Variants in PKD2L2 observed in about 807,000 individuals in gnomAD.
The protein encoded by PKD2L2 is polycystin 2 like 2, transient receptor potential cation channel, also known as polycystin-2-like protein 2.
In PKD2L2, 67 loss-of-function variants were observed where a neutral mutation model predicts 83.9. The ratio of observed to expected loss-of-function variants is 0.80; its 90% CI spans 0.66 to 0.98. The LOEUF (loss-of-function observed/expected upper bound fraction) is 0.98. Among genes scored for constraint, PKD2L2 ranks in the 50% least tolerant of loss-of-function variants. PKD2L2 has a pLI of 0.00. For missense variants in PKD2L2, 632 were observed against 717.2 expected, an observed-to-expected ratio of 0.88 and a Z score of 1.36; for synonymous variants, 223 against 237.8, an observed-to-expected ratio of 0.94 and a Z score of 0.57.
chr5:137,890,677 T>C, intron 2 of PKD2L2, 95 bp downstream of exon 2: 2 of 560,050 alleles, frequency 3.6e-6, no homozygotes, highest in South Asian at 5.9e-5. Flanking sequence ...AACCACAGGC[T>C]GTCAGGCTAC....
intron 8 of PKD2L2, among the ~76,000 whole-genome samples, chr5:137,919,630 TC>T (rs1473428440): frequency 6.6e-6 from 1 of 152,178 alleles, no homozygotes; most frequent in Non-Finnish European, 1.5e-5. Context: ...TTCCACCAAT[TC>T]CTTCCAATTC....
At chr5:137,916,917 G>A (rs1758410613) in intron 8 of PKD2L2, among the ~76,000 whole-genome samples, 2 of 152,166 alleles carry the variant, frequency 1.3e-5, no homozygotes, top group South Asian at 4.1e-4. Flanking sequence ...TCTGTCTTTG[G>A]CTTTTGAGTT....
At chr5:137,927,632 T>C (rs1161112506) in intron 12 of PKD2L2, among the ~76,000 whole-genome samples, 1 of 152,256 alleles carries the variant, frequency 6.6e-6, no homozygotes, top group Non-Finnish European at 1.5e-5. Context: ...TGTCCTTGTA[T>C]GCAGGAAATA....
intron 4 of PKD2L2, among the ~76,000 whole-genome samples, chr5:137,898,739 T>C (rs1370637960): frequency 6.6e-6 from 1 of 151,838 alleles, no homozygotes; most frequent in Non-Finnish European, 1.5e-5. Context: ...TTTTTTTTTT[T>C]CTGAGACAGG....
At chr5:137,921,564 A>G in intron 8 of PKD2L2, 72 bp from the exon 9 acceptor site, 3 of 919,824 alleles carry the variant, frequency 3.3e-6, no homozygotes, top group South Asian at 3.0e-5. Context: ...TCTTAGAGAC[A>G]TTAGTAACTC....
At chr5:137,902,481 A>AC (rs1757043565) in intron 5 of PKD2L2, among the ~76,000 whole-genome samples, 2 of 151,614 alleles carry the variant, frequency 1.3e-5, no homozygotes, top group African/African-American at 4.8e-5. Flanking sequence ...TAGGATAAAG[A>AC]CCATTATGAA....
In PKD2L2 at chr5:137,933,621, C is replaced by G. The variant is rs537841112; in HGVS notation, c.1672-2176C>G. 3.9e-5 allele frequency among the ~76,000 whole-genome samples: 6 copies of G among 152,304 alleles called. No homozygotes were observed. In the East Asian group the frequency reaches 1.2e-3, roughly 29 times the overall value. On this transcript the variant is annotated intron_variant, in intron 12 of 14. Transcript: ENST00000508883. Reference sequence around the variant, plus strand: ...CCGTATCATTCCCTTTGCCTACAGCCAAGAGCTCAGCCAGCTGCATTAGGA... The same window carrying G: ...CCGTATCATTCCCTTTGCCTACAGCGAAGAGCTCAGCCAGCTGCATTAGGA...
rs58118724 is a variant in PKD2L2 at position 137,914,031 on chromosome 5, CTTTTTTTTTTTTTTTTTTT to C, written c.1328+5106_1328+5124del. On this transcript the variant is annotated intron_variant, in intron 8 of 14. Transcript: ENST00000508883. ...TACAGTCATGCACCACCACACTTGG[CTTTTTTTTTTTTTTTTTTT>C]TTTTTTTTTTTTTTTTTTTTGATAG... is the stretch of plus-strand genomic sequence containing the variant. Among the ~76,000 whole-genome samples, 74 of 42,342 alleles carry C rather than the reference CTTTTTTTTTTTTTTTTTTT, an allele frequency of 1.7e-3. 1 individual carries two copies. The highest frequency in any genetic ancestry group is 6.2e-3 in the African/African-American group (65 of 10,452). 27.8% of individuals were successfully genotyped at this position (42,342 alleles called of 152,430 possible). A position where few individuals can be genotyped will look rare whatever the true frequency, so the allele number is the denominator to read the frequency against.
intron 12 of PKD2L2, among the ~76,000 whole-genome samples, chr5:137,927,885 C>T (rs575234898): frequency 6.6e-5 from 10 of 152,222 alleles, no homozygotes; most frequent in Non-Finnish European, 1.3e-4. Context: ...AAAAATCAGG[C>T]CGGGTGCGGT....
intron 12 of PKD2L2, among the ~76,000 whole-genome samples, chr5:137,931,978 C>CTTA (rs1468507199): frequency 6.6e-6 from 1 of 151,966 alleles, no homozygotes; most frequent in Non-Finnish European, 1.5e-5. Context: ...AATAGAAGAC[C>CTTA]TTATTTGTAA....
intron 12 of PKD2L2, among the ~76,000 whole-genome samples, chr5:137,928,771 T>C (rs1759595977): frequency 6.6e-6 from 1 of 152,228 alleles, no homozygotes; most frequent in Non-Finnish European, 1.5e-5. Context: ...CATCTCACTG[T>C]GTTGCCCAGG....
At chr5:137,928,473 C>A (rs1012873224) in intron 12 of PKD2L2, among the ~76,000 whole-genome samples, 5 of 152,126 alleles carry the variant, frequency 3.3e-5, no homozygotes, top group African/African-American at 1.2e-4. Flanking sequence ...CTCTGTTGCC[C>A]AGCATGGAGT....
At chr5:137,939,771 AT>A in intron 14 of PKD2L2, 2 of 976,178 alleles carry the variant, frequency 2.0e-6, no homozygotes, top group Non-Finnish European at 2.6e-6. Context: ...GTGCACTTTT[AT>A]AGGCTTTTCT....
chr5:137,925,241 T>C, intron 11 of PKD2L2, 137 bp downstream of exon 11: 1 of 625,252 alleles, frequency 1.6e-6, no homozygotes, highest in Non-Finnish European at 2.9e-6. Flanking sequence ...TTGGTCAGAC[T>C]GGTCTCAAAC....
intron 5 of PKD2L2, among the ~76,000 whole-genome samples, chr5:137,903,362 C>T (rs956240013): frequency 6.6e-6 from 1 of 152,182 alleles, no homozygotes; most frequent in Non-Finnish European, 1.5e-5. Context: ...GGGCAGTACA[C>T]CCTCTCCTGG....
intron 8 of PKD2L2, among the ~76,000 whole-genome samples, chr5:137,910,222 T>C (rs1367892644): frequency 7.6e-6 from 1 of 132,288 alleles, no homozygotes; most frequent in Admixed American, 8.2e-5. Flanking sequence ...TGAAACCCCA[T>C]CTCTAAAACA....
At position 137,935,800 on chromosome 5, in the gene PKD2L2, A is replaced by G; in HGVS notation, c.1675A>G (p.Ile559Val). ...ARREGFDENE[I>V]QNAEQMKKWK... ...TACTTGTCCTCTACCCTGACAGGAG[A>G]TTCAAAACGCAGAGCAGATGAAAAA... Residue 559 changes from isoleucine to valine, a missense_variant, in exon 13 of 15, where the codon ATT becomes GTT. This residue lies in a region of PKD2L2 where 399 missense variants were observed against 416.9 expected (regional missense o/e 0.96). Coordinates refer to ENST00000508883, the MANE Select transcript of PKD2L2 (RefSeq NM_001300921.2). The G allele has an allele frequency of 6.3e-7, 1 of 1,576,856 alleles. No individual in the cohort carries two copies. The highest frequency in any genetic ancestry group is 8.7e-7 in the Non-Finnish European group (1 of 1,146,942).
At position 137,891,093 on chromosome 5, in the gene PKD2L2, A is replaced by G. The variant is rs564954548; in HGVS notation, c.133+511A>G. 6.6e-5 allele frequency among the ~76,000 whole-genome samples: 10 copies of G among 152,330 alleles called. No homozygotes were observed. The South Asian group carries it at 2.1e-3, about 32-fold the overall frequency. On this transcript the variant is annotated intron_variant, in intron 2 of 14. Coordinates refer to ENST00000508883, the MANE Select transcript of PKD2L2 (RefSeq NM_001300921.2). ...GGACTGGGAAAACATCTCAACCTGCATTCCTCCTACCTGTGGGTCAATAGC... is the reference window on the plus strand; with the variant it reads ...GGACTGGGAAAACATCTCAACCTGCGTTCCTCCTACCTGTGGGTCAATAGC...
intron 3 of PKD2L2, among the ~76,000 whole-genome samples, chr5:137,893,919 T>C: frequency 6.6e-6 from 1 of 152,186 alleles, no homozygotes; most frequent in East Asian, 1.9e-4. Flanking sequence ...AACCCTGGGC[T>C]TGGGTTCATC....
Sources: allele counts gnomAD v4.1 joint callset (sites outside exome capture counted in the v4.1 genomes callset), GRCh38; gene constraint gnomAD v4.1.1; regional missense constraint gnomAD v4.1.1; transcripts MANE v1.5; gene names NCBI Gene and HGNC (gene_info 2026-07-23, HGNC 2026-07-21).